Variants in CSMD1 observed in about 807,000 individuals in gnomAD.
CSMD1 encodes the protein CUB and sushi domain-containing protein 1.
CSMD1 carries 213 observed loss-of-function variants against 417.5 expected under a neutral mutation model. The observed-to-expected ratio is 0.51, with a 90% confidence interval of 0.46 to 0.57. The LOEUF (loss-of-function observed/expected upper bound fraction) is 0.57, where lower values mean the gene tolerates loss of function less well. Among genes scored for constraint, CSMD1 ranks in the 20% least tolerant of loss-of-function variants. CSMD1 has a pLI of 0.00. For synonymous variants in CSMD1, 2,862 were observed against 1,736.8 expected (o/e 1.65, Z -16.11); for missense variants, 6,923 against 4,529.7 (o/e 1.53, Z -15.17).
chr8:3,617,771 G>A (rs1045650787), intron 7 of CSMD1, among the ~76,000 whole-genome samples: 13 of 152,194 alleles, frequency 8.5e-5, no homozygotes, highest in Admixed American at 2.6e-4. Context: ...GAGCAATGTC[G>A]CAATTCTGAA....
intron 3 of CSMD1, among the ~76,000 whole-genome samples, chr8:4,242,722 G>T (rs1223838719): frequency 2.0e-5 from 3 of 148,924 alleles, no homozygotes; most frequent in South Asian, 2.1e-4. Flanking sequence ...ACTCTGCCCA[G>T]TTGAGTGGCT....
chr8:4,774,109 G>A (rs1320660737), intron 1 of CSMD1, among the ~76,000 whole-genome samples: 1 of 152,098 alleles, frequency 6.6e-6, no homozygotes, highest in Non-Finnish European at 1.5e-5. Context: ...AGGCAGGAGA[G>A]GGTTCACTTG....
intron 54 of CSMD1, among the ~76,000 whole-genome samples, chr8:2,984,024 A>C (rs1026959318): frequency 6.6e-6 from 1 of 152,234 alleles, no homozygotes; most frequent in Admixed American, 6.5e-5. Flanking sequence ...TTCCCTGAGC[A>C]AATAGAAAAC....
At chr8:4,248,904 G>C (rs774744238) in intron 3 of CSMD1, among the ~76,000 whole-genome samples, 3 of 152,056 alleles carry the variant, frequency 2.0e-5, no homozygotes, top group Non-Finnish European at 2.9e-5. Context: ...AATCCATTTA[G>C]ACCATATTGA....
chr8:3,210,633 T>G (rs1229770550), intron 30 of CSMD1, among the ~76,000 whole-genome samples: 5 of 148,628 alleles, frequency 3.4e-5, no homozygotes, highest in African/African-American at 1.2e-4. Flanking sequence ...AATATATATA[T>G]AAAGTGTATA....
chr8:4,351,363 T>C (rs1286121508), intron 3 of CSMD1, among the ~76,000 whole-genome samples: 1 of 152,256 alleles, frequency 6.6e-6, no homozygotes, highest in Non-Finnish European at 1.5e-5. Flanking sequence ...CATCTCCTTA[T>C]TCGTCTTGTT....
chr8:3,162,104 G>C, intron 38 of CSMD1, 55 bp downstream of exon 38: 7 of 1,149,138 alleles, frequency 6.1e-6, no homozygotes, highest in Non-Finnish European at 7.7e-6. Flanking sequence ...CTTTAAGAGA[G>C]CTGCACAAAG....
chr8:4,776,996 T>C (rs1796886053), intron 1 of CSMD1, among the ~76,000 whole-genome samples: 1 of 152,190 alleles, frequency 6.6e-6, no homozygotes, highest in Admixed American at 6.5e-5. Context: ...CGTATTCTTG[T>C]AAAACAGGTG....
chr8:3,767,893 G>A (rs930008523), intron 5 of CSMD1, among the ~76,000 whole-genome samples: 16 of 152,042 alleles, frequency 1.1e-4, no homozygotes, highest in Non-Finnish European at 1.9e-4. Flanking sequence ...ATGGTAAAAA[G>A]TTAAAAAGTT....
At chr8:3,690,145 G>A (rs1031489120) in intron 7 of CSMD1, among the ~76,000 whole-genome samples, 3 of 152,186 alleles carry the variant, frequency 2.0e-5, no homozygotes, top group Admixed American at 6.5e-5. Flanking sequence ...GATCACTTAA[G>A]CCCAGGAGTT....
intron 49 of CSMD1, among the ~76,000 whole-genome samples, chr8:3,078,534 T>C (rs1813853117): frequency 6.6e-6 from 1 of 152,202 alleles, no homozygotes; most frequent in South Asian, 2.1e-4. Flanking sequence ...AAGATTAATT[T>C]GATCCTGGGT....
chr8:3,521,453 T>C (rs1299302280), intron 10 of CSMD1, among the ~76,000 whole-genome samples: 1 of 152,188 alleles, frequency 6.6e-6, no homozygotes, highest in Non-Finnish European at 1.5e-5. Context: ...TCACTGGCCT[T>C]GAACTTCATG....
intron 5 of CSMD1, among the ~76,000 whole-genome samples, chr8:3,936,146 A>G (rs1437007551): frequency 6.6e-6 from 1 of 151,360 alleles, no homozygotes; most frequent in Non-Finnish European, 1.5e-5. Flanking sequence ...TGCAGAAGAT[A>G]AATTTGAAGA....
intron 2 of CSMD1, among the ~76,000 whole-genome samples, chr8:4,570,125 TTTCTTTCTTTCTCTTGCCTG>T (rs1371397304): frequency 6.6e-6 from 1 of 152,190 alleles, no homozygotes; most frequent in African/African-American, 2.4e-5. Context: ...TTGAATACTC[TTTCTTTCTTTCTCTTGCCTG>T]ATTGCCCTGG....
At chr8:3,248,604 A>T (rs1800051242) in intron 26 of CSMD1, among the ~76,000 whole-genome samples, 1 of 136,412 alleles carries the variant, frequency 7.3e-6, no homozygotes, top group Non-Finnish European at 1.5e-5. Flanking sequence ...ATCTCAGCTC[A>T]CTGCAAGTTC....
intron 11 of CSMD1, among the ~76,000 whole-genome samples, chr8:3,470,527 G>A (rs971805842): frequency 2.6e-5 from 4 of 152,020 alleles, no homozygotes; most frequent in African/African-American, 7.2e-5. Context: ...TGTTTTATTC[G>A]TATTTTGTAT....
chr8:3,387,459 C>T, intron 18 of CSMD1, 35 bp downstream of exon 18: 1 of 1,549,770 alleles, frequency 6.5e-7, no homozygotes, highest in Non-Finnish European at 8.8e-7. Context: ...CTCTGCACAC[C>T]CTGCTGGTGC....
chr8:4,828,987 T>C (rs1045642899), intron 1 of CSMD1, among the ~76,000 whole-genome samples: 1 of 152,192 alleles, frequency 6.6e-6, no homozygotes, highest in Non-Finnish European at 1.5e-5. Flanking sequence ...ACATGATTAT[T>C]TATCAAAACT....
At chr8:4,752,165 C>G (rs994495316) in intron 1 of CSMD1, among the ~76,000 whole-genome samples, 12 of 151,976 alleles carry the variant, frequency 7.9e-5, no homozygotes. Flanking sequence ...TAGTTCCTTA[C>G]CACTTCTCTA....
Sources: gnomAD v4.1 joint callset for allele counts (sites outside exome capture counted in the v4.1 genomes callset) on GRCh38, gnomAD v4.1.1 for gene constraint, MANE v1.5 for transcripts, NCBI Gene and HGNC (gene_info 2026-07-23, HGNC 2026-07-21) for gene names.